Variants in TRPM7 observed in about 807,000 individuals in gnomAD.
The protein encoded by TRPM7 is LTRPC ion channel family member 7.
A neutral mutation model predicts 229.7 loss-of-function variants in TRPM7; 134 were observed. The ratio of observed to expected loss-of-function variants is 0.58; its 90% CI spans 0.51 to 0.67. The LOEUF (loss-of-function observed/expected upper bound fraction) is 0.67, where lower values mean the gene tolerates loss of function less well. TRPM7 is among the 30% of genes least tolerant of loss of function. The pLI is 0.00. For synonymous variants in TRPM7, 699 were observed against 715.2 expected (o/e 0.98, Z 0.36); for missense variants, 1,901 against 2,210.0 (o/e 0.86, Z 2.80).
chr15:50,599,311 A>G lies in TRPM7; in HGVS notation c.2989-15T>C. ...ATATTGGCCACCTGTTAAAAAATGAACACTGTTAAAATACAAGGAAGTTTA... is the reference window on the plus strand; with the variant it reads ...ATATTGGCCACCTGTTAAAAAATGAGCACTGTTAAAATACAAGGAAGTTTA... On this transcript the variant is annotated splice_polypyrimidine_tract_variant and intron_variant, in intron 21 of 38. Coordinates refer to ENST00000646667, the MANE Select transcript of TRPM7 (RefSeq NM_017672.6). The G allele has an allele frequency of 1.3e-6, 2 of 1,583,510 alleles. No individual in the cohort carries two copies. Among genetic ancestry groups the G allele is most frequent in the African/African-American group, 2.7e-5 (2 of 74,110 alleles).
rs371282632 is a variant in TRPM7 at position 50,592,658 on chromosome 15, T to C, written c.3609-32A>G. The C allele has an allele frequency of 9.2e-5, 129 of 1,403,614 alleles. 1 individual carries two copies. The African/African-American group carries it at 1.7e-3, about 18-fold the overall frequency. 86.9% of individuals were successfully genotyped at this position (1,403,614 alleles called of 1,614,324 possible). ...GAGAGAAATAAGCTTTTTTTACAAATGTGAAAAAATAATGTAGAATTTTAT... is the reference window on the plus strand; with the variant it reads ...GAGAGAAATAAGCTTTTTTTACAAACGTGAAAAAATAATGTAGAATTTTAT... On this transcript the variant is annotated intron_variant, in intron 25 of 38. Coordinates refer to ENST00000646667, the MANE Select transcript of TRPM7 (RefSeq NM_017672.6).
chr15:50,634,248 G>A, intron 8 of TRPM7, 134 bp downstream of exon 8: 1 of 578,682 alleles, frequency 1.7e-6, no homozygotes, highest in Non-Finnish European at 2.6e-6. Flanking sequence ...TTGAACCTGG[G>A]AGGTGGAGGT....
chr15:50,657,721 C>A, intron 3 of TRPM7, 60 bp downstream of exon 3: 1 of 1,437,922 alleles, frequency 7.0e-7, no homozygotes, highest in Non-Finnish European at 9.7e-7. Context: ...ACTCATATTT[C>A]TAATAGATTA....
At chr15:50,645,658 G>A (rs2061241662) in intron 4 of TRPM7, among the ~76,000 whole-genome samples, 1 of 152,102 alleles carries the variant, frequency 6.6e-6, no homozygotes, top group Non-Finnish European at 1.5e-5. Context: ...AAGTCTTTCT[G>A]TATCAGTTTT....
chr15:50,634,134 C>T, intron 8 of TRPM7, among the ~76,000 whole-genome samples: 1 of 151,934 alleles, frequency 6.6e-6, no homozygotes, highest in South Asian at 2.1e-4. Context: ...GCCTGCCCAA[C>T]ACAGTGAAAC....
At chr15:50,633,036 AT>A in intron 8 of TRPM7, 44 bp from the exon 9 acceptor site, 1 of 1,541,468 alleles carries the variant, frequency 6.5e-7, no homozygotes, top group South Asian at 1.3e-5. Context: ...ATCTTCCATT[AT>A]TTGTAGGATC....
intron 16 of TRPM7, 56 bp downstream of exon 16, chr15:50,612,492 CA>C: frequency 6.5e-7 from 1 of 1,540,128 alleles, no homozygotes; most frequent in Non-Finnish European, 8.8e-7. Context: ...AACAGCCACT[CA>C]AACAATACCT....
chr15:50,571,638 TAAA>T (rs2053892097), intron 36 of TRPM7, among the ~76,000 whole-genome samples: 1 of 150,956 alleles, frequency 6.6e-6, no homozygotes, highest in Non-Finnish European at 1.5e-5. Flanking sequence ...AACAAAATAA[TAAA>T]AAAGAGGGAA....
Position 50,631,598 on chromosome 15 carries a change from T to C in TRPM7, c.1132-109A>G, listed in dbSNP as rs2060734837. ...GGGGGGCAAAATATATATGTATGTA[T>C]CTAGGAATCTATGTATTATGTATAT... On this transcript the variant is annotated intron_variant, in intron 9 of 38. Coordinates refer to ENST00000646667, the MANE Select transcript of TRPM7 (RefSeq NM_017672.6). 3 of 572,092 alleles carry C rather than the reference T, an allele frequency of 5.2e-6. No homozygotes were observed. The South Asian group carries it at 8.5e-5, about 16-fold the overall frequency. The allele number at this position is 572,092 out of a possible 1,614,324, so 35.4% of individuals were successfully genotyped here. A position where few individuals can be genotyped will look rare whatever the true frequency, so the allele number is the denominator to read the frequency against.
intron 21 of TRPM7, among the ~76,000 whole-genome samples, chr15:50,601,044 A>G (rs2059767650): frequency 6.6e-6 from 1 of 152,236 alleles, no homozygotes; most frequent in South Asian, 2.1e-4. Flanking sequence ...AACAAAAAGT[A>G]TATTAAAAGA....
intron 7 of TRPM7, among the ~76,000 whole-genome samples, chr15:50,635,368 A>G (rs1383218058): frequency 6.8e-6 from 1 of 147,564 alleles, no homozygotes; most frequent in Non-Finnish European, 1.5e-5. Context: ...TGCCACCTGA[A>G]AGGTTTGTAA....
chr15:50,592,574 T>G lies in TRPM7; in HGVS notation c.3661A>C (p.Ile1221Leu). The G allele has an allele frequency of 6.2e-7, 1 of 1,608,530 alleles. No individual in the cohort carries two copies. The highest frequency in any genetic ancestry group is 8.5e-7 in the Non-Finnish European group (1 of 1,179,614). ...TCTAATGATTGTAATGATCTTTTTA[T>G]GTAGTTGACACGATCTCCAACTTCT... ...IKEVGDRVNY[I>L]KRSLQSLDSQ... Residue 1221 changes from isoleucine to leucine, a missense_variant, in exon 26 of 39, where the codon ATA becomes CTA. This residue lies in a region of TRPM7 where 533 missense variants were observed against 497.1 expected (regional missense o/e 1.07). Transcript: ENST00000646667.
chr15:50,654,875 C>G (rs1439275649), intron 3 of TRPM7, among the ~76,000 whole-genome samples: 1 of 149,764 alleles, frequency 6.7e-6, no homozygotes, highest in African/African-American at 2.4e-5. Context: ...GCAGCAGGCA[C>G]CTGTAGTCCC....
At chr15:50,673,802 A>G (rs1301983197) in intron 1 of TRPM7, among the ~76,000 whole-genome samples, 1 of 152,140 alleles carries the variant, frequency 6.6e-6, no homozygotes, top group African/African-American at 2.4e-5. Context: ...CAGTAGTGGG[A>G]CTGCTGTATC....
intron 10 of TRPM7, among the ~76,000 whole-genome samples, chr15:50,629,632 T>G (rs1335868177): frequency 1.3e-5 from 2 of 152,156 alleles, no homozygotes; most frequent in Non-Finnish European, 2.9e-5. Context: ...CCCATTTTTC[T>G]AAGAGGTAGT....
chr15:50,604,362 C>T (rs1411180698), intron 21 of TRPM7: 3 of 152,474 alleles, frequency 2.0e-5, no homozygotes, highest in African/African-American at 7.2e-5. Context: ...CATCTGAGGT[C>T]AGGAGTTTGG....
At chr15:50,677,786 A>G (rs1203656337) in intron 1 of TRPM7, among the ~76,000 whole-genome samples, 3 of 151,448 alleles carry the variant, frequency 2.0e-5, no homozygotes, top group African/African-American at 7.3e-5. Context: ...AGCCTCTACT[A>G]AGTAACAATC....
Position 50,686,639 on chromosome 15 carries a change from G to T in TRPM7, c.-106C>A. 6.7e-7 allele frequency: 1 copy of T among 1,491,146 alleles called. No homozygotes were observed. Among genetic ancestry groups the T allele is most frequent in the Non-Finnish European group, 9.0e-7 (1 of 1,106,718 alleles). 92.4% of individuals were successfully genotyped at this position (1,491,146 alleles called of 1,614,324 possible). On this transcript the variant is annotated 5_prime_UTR_variant, in exon 1 of 39. Coordinates refer to ENST00000646667, the MANE Select transcript of TRPM7 (RefSeq NM_017672.6). ...GTCTCCGGAGGCGGCAGCAGAGGCC[G>T]CCGGACAAGGAACGCCCAGGGAAAC...
intron 36 of TRPM7, among the ~76,000 whole-genome samples, chr15:50,570,887 T>A (rs2053853251): frequency 6.6e-6 from 1 of 151,108 alleles, no homozygotes; most frequent in Non-Finnish European, 1.5e-5. Context: ...AAAAAACAAG[T>A]GTTTGGGATT....
Sources: gnomAD v4.1 joint callset for allele counts (sites outside exome capture counted in the v4.1 genomes callset) on GRCh38, gnomAD v4.1.1 for gene constraint, gnomAD v4.1.1 regional missense constraint, MANE v1.5 for transcripts, NCBI Gene and HGNC (gene_info 2026-07-23, HGNC 2026-07-21) for gene names.